Variants in ABCD3 observed in about 807,000 individuals in gnomAD.
ABCD3 encodes ATP-binding cassette sub-family D member 3.
Under a neutral mutation model 105.5 loss-of-function variants are expected in ABCD3, and 41 were observed. The observed-to-expected ratio is 0.39, with a 90% CI of 0.30 to 0.50. ABCD3 has a LOEUF of 0.50. Among genes scored for constraint, ABCD3 ranks in the 20% least tolerant of loss-of-function variants. The pLI is 0.84. For missense variants in ABCD3, 622 were observed against 806.3 expected (o/e 0.77, Z 2.77); for synonymous variants, 258 against 269.0 (o/e 0.96, Z 0.40).
intron 9 of ABCD3, chr1:94,481,886 T>G (rs140132670): frequency 6.6e-6 from 1 of 152,116 alleles, no homozygotes; most frequent in Non-Finnish European, 1.5e-5. Context: ...CTAAATGGGG[T>G]TGAGGCATTC....
chr1:94,504,900 C>T (rs1451338142), intron 20 of ABCD3, among the ~76,000 whole-genome samples: 1 of 152,136 alleles, frequency 6.6e-6, no homozygotes, highest in Non-Finnish European at 1.5e-5. Flanking sequence ...GAACTTGAAA[C>T]TTCACATTTC....
At chr1:94,503,906 C>CTTT (rs71097203) in intron 20 of ABCD3, among the ~76,000 whole-genome samples, 978 of 69,764 alleles carry the variant, frequency 0.014, 6 homozygotes, top group Non-Finnish European at 0.018. Flanking sequence ...ACAAGTGATT[C>CTTT]TTTTTTTTTT....
chr1:94,499,619 G>C lies in ABCD3; in HGVS notation c.1740+5G>C. ...GGAGAAAAGCAAAGAATGGCGGTAA[G>C]TATACTGTGAAGAAGTTGCACAAGA... is the stretch of plus-strand genomic sequence containing the variant. On this transcript the variant is annotated splice_donor_5th_base_variant and intron_variant, in intron 20 of 22. Transcript: ENST00000370214. The C allele has an allele frequency of 6.2e-7, 1 of 1,613,388 alleles. No homozygotes were observed.
In ABCD3 at chr1:94,478,270, C is replaced by A; in HGVS notation, c.639C>A (p.Asp213Glu). Reference protein sequence around the residue: ...LYSNLSKPFLDIVLYIFKLTS... With the variant: ...LYSNLSKPFLEIVLYIFKLTS... ...TATTTATTTTACAGCCATTTTTAGA[C>A]ATAGTTTTGTATATCTTTAAGTTAA... Residue 213 changes from aspartate to glutamate, a missense_variant, in exon 8 of 23, where the codon GAC (aspartate) becomes GAA (glutamate). Physicochemically the swap from Asp to Glu is conservative, Grantham distance 45 (BLOSUM62 2). Transcript: ENST00000370214. The A allele has an allele frequency of 6.3e-7, 1 of 1,595,774 alleles. No homozygotes were observed. Among genetic ancestry groups the A allele is most frequent in the South Asian group, 1.1e-5 (1 of 89,944 alleles).
Position 94,504,275 on chromosome 1 carries a change from G to A in ABCD3, c.1741-2263G>A, listed in dbSNP as rs372343331. On this transcript the variant is annotated intron_variant, in intron 20 of 22. Coordinates refer to ENST00000370214, the MANE Select transcript of ABCD3 (RefSeq NM_002858.4). ...TGGGACTACAGGTATGCACCACCAT[G>A]ACTGGCTAATTTTTGTATTTTTAGT... Among the ~76,000 whole-genome samples the A allele has an allele frequency of 4.6e-5, 7 of 152,094 alleles. No individual in the cohort carries two copies. The South Asian group carries it at 6.2e-4, about 14-fold the overall frequency.
At chr1:94,416,459 T>G (rs1177994790), upstream of ABCD3, among the ~76,000 whole-genome samples, 2 of 152,196 alleles carry the variant, frequency 1.3e-5, no homozygotes, top group African/African-American at 4.8e-5. Context: ...GAGAATATGA[T>G]CTCCATGATC....
chr1:94,438,335 CACACACACAA>C (rs1659994038), intron 1 of ABCD3, among the ~76,000 whole-genome samples: 1 of 150,144 alleles, frequency 6.7e-6, no homozygotes, highest in Non-Finnish European at 1.5e-5. Context: ...CACACACACA[CACACACACAA>C]ACTTGAAAGG....
upstream of ABCD3, among the ~76,000 whole-genome samples, chr1:94,413,904 AG>A (rs747356331): frequency 1.3e-5 from 2 of 152,100 alleles, no homozygotes; most frequent in African/African-American, 4.8e-5. Context: ...TGAAGGGGTT[AG>A]GGGGGACTGG....
At chr1:94,483,311 C>A in intron 10 of ABCD3, 72 bp downstream of exon 10, 3 of 1,116,828 alleles carry the variant, frequency 2.7e-6, no homozygotes, top group East Asian at 2.4e-5. Flanking sequence ...TGCCTATGGC[C>A]GACACACATA....
chr1:94,444,982 A>G (rs1178775603), intron 1 of ABCD3, among the ~76,000 whole-genome samples: 1 of 152,226 alleles, frequency 6.6e-6, no homozygotes, highest in Non-Finnish European at 1.5e-5. Context: ...CTTAAACCAC[A>G]AACAATAGCA....
At chr1:94,421,630 CCTT>C (rs1437332001) in intron 1 of ABCD3, among the ~76,000 whole-genome samples, 3 of 151,030 alleles carry the variant, frequency 2.0e-5, no homozygotes, top group Non-Finnish European at 4.4e-5. Context: ...AGGGAGCTTA[CCTT>C]CTTGTTAGGG....
intron 7 of ABCD3, among the ~76,000 whole-genome samples, chr1:94,476,930 C>T (rs1186370601): frequency 1.3e-5 from 2 of 151,136 alleles, no homozygotes; most frequent in Non-Finnish European, 3.0e-5. Context: ...TGTGTGTATG[C>T]ATGCATGCAT....
intron 1 of ABCD3, among the ~76,000 whole-genome samples, chr1:94,420,735 G>C (rs940206677): frequency 2.0e-5 from 3 of 152,056 alleles, no homozygotes; most frequent in African/African-American, 7.2e-5. Flanking sequence ...CACCACCTTT[G>C]GTATCACAGT....
chr1:94,444,925 G>T (rs188956986), intron 1 of ABCD3, among the ~76,000 whole-genome samples: 36 of 152,296 alleles, frequency 2.4e-4, no homozygotes, highest in African/African-American at 4.8e-4. Context: ...CGGAATGAGG[G>T]CAAGGGACAC....
the ABCD3 span, among the ~76,000 whole-genome samples, chr1:94,408,411 C>T: frequency 1.8e-3 from 268 of 148,212 alleles, 3 homozygotes; most frequent in African/African-American, 5.9e-3. Flanking sequence ...GGTGAAACCC[C>T]ATCTCTACTA....
chr1:94,492,496 A>T (rs1649582114), intron 16 of ABCD3, among the ~76,000 whole-genome samples: 1 of 152,210 alleles, frequency 6.6e-6, no homozygotes, highest in African/African-American at 2.4e-5. Context: ...TTCCAAAGCC[A>T]GGAAATACAA....
the ABCD3 span, among the ~76,000 whole-genome samples, chr1:94,395,249 G>A: frequency 6.6e-6 from 1 of 152,194 alleles, no homozygotes; most frequent in South Asian, 2.1e-4. Context: ...TCAGTCAGGA[G>A]CCTGGCAGGA....
chr1:94,481,737 G>A (rs1347314141), intron 9 of ABCD3: 1 of 152,298 alleles, frequency 6.6e-6, no homozygotes, highest in African/African-American at 2.4e-5. Context: ...ATCTCGCCTG[G>A]TGTGTCTTTA....
At chr1:94,468,807 T>TA (rs1320235243) in intron 4 of ABCD3, among the ~76,000 whole-genome samples, 4 of 152,186 alleles carry the variant, frequency 2.6e-5, no homozygotes, top group African/African-American at 7.2e-5. Flanking sequence ...ATCTGCTTCT[T>TA]AAAGATTTGT....
Sources: allele counts gnomAD v4.1 joint callset (sites outside exome capture counted in the v4.1 genomes callset), GRCh38; gene constraint gnomAD v4.1.1; transcripts MANE v1.5; gene names NCBI Gene and HGNC (gene_info 2026-07-23, HGNC 2026-07-21).